PDGFC: variants seen among roughly 807,000 people sequenced by gnomAD.
PDGFC encodes the protein platelet-derived growth factor C.
In PDGFC, 12 loss-of-function variants were observed where a neutral mutation model predicts 35.5. That is an observed-to-expected ratio of 0.34 (90% CI 0.22 to 0.55). The LOEUF is 0.55. PDGFC is among the 20% of genes least tolerant of loss of function. The pLI, the probability that PDGFC is intolerant of heterozygous loss-of-function variation, is 0.91. For missense variants in PDGFC, 322 were observed against 412.4 expected (o/e 0.78, Z 1.90); for synonymous variants, 159 against 148.8 (o/e 1.07, Z -0.50).
chr4:156,957,703 C>T (rs778423508), intron 1 of PDGFC, among the ~76,000 whole-genome samples: 5 of 151,928 alleles, frequency 3.3e-5, no homozygotes, highest in Admixed American at 6.6e-5. Flanking sequence ...CTGGGATGGG[C>T]GGGTGGATAA....
intron 1 of PDGFC, among the ~76,000 whole-genome samples, chr4:156,899,293 TGTA>T (rs1375718296): frequency 2.0e-5 from 3 of 152,188 alleles, no homozygotes; most frequent in African/African-American, 7.2e-5. Flanking sequence ...GGATAATATG[TGTA>T]GGTTATATTA....
chr4:156,818,054 C>T (rs1473398547), intron 2 of PDGFC, among the ~76,000 whole-genome samples: 1 of 136,786 alleles, frequency 7.3e-6, no homozygotes, highest in African/African-American at 2.9e-5. Flanking sequence ...AGCAATACTC[C>T]GTCTTAAAAA....
chr4:156,867,314 C>A (rs1729868378), intron 1 of PDGFC, among the ~76,000 whole-genome samples: 2 of 152,190 alleles, frequency 1.3e-5, no homozygotes, highest in Non-Finnish European at 2.9e-5. Context: ...GAAGCCCCGG[C>A]CCTTTGCTCT....
intron 3 of PDGFC, among the ~76,000 whole-genome samples, chr4:156,792,417 A>G (rs1014656164): frequency 6.6e-6 from 1 of 152,166 alleles, no homozygotes; most frequent in African/African-American, 2.4e-5. Flanking sequence ...TTCCACAAAA[A>G]ATCACAGAGC....
rs540967563 is a variant in PDGFC, at chr4:156,822,399, CA to C, written c.315-11383del. 8.9e-5 allele frequency among the ~76,000 whole-genome samples: 13 copies of C among 146,152 alleles called. No homozygotes were observed. The South Asian group carries it at 2.9e-3, about 33-fold the overall frequency. On this transcript the variant is annotated intron_variant, in intron 2 of 5. Coordinates refer to ENST00000502773, the MANE Select transcript of PDGFC (RefSeq NM_016205.3). The stretch of plus-strand genomic sequence containing the variant: ...AAAAGTGCATAGTAATAAATTTAAC[CA>C]ATAAAGTGTGAATACTGTATGAGGA...
chr4:156,924,187 T>C (rs905229364), intron 1 of PDGFC, among the ~76,000 whole-genome samples: 2 of 152,144 alleles, frequency 1.3e-5, no homozygotes, highest in Non-Finnish European at 2.9e-5. Context: ...ATATAAAAGT[T>C]AAAATTTCAA....
intron 3 of PDGFC, among the ~76,000 whole-genome samples, chr4:156,780,194 T>C (rs991765033): frequency 1.3e-5 from 2 of 149,808 alleles, no homozygotes; most frequent in Non-Finnish European, 1.5e-5. Flanking sequence ...TAAAATAACG[T>C]CTATCAGTGG....
At chr4:156,782,682 G>A (rs1050863707) in intron 3 of PDGFC, among the ~76,000 whole-genome samples, 6 of 152,036 alleles carry the variant, frequency 3.9e-5, no homozygotes, top group South Asian at 2.1e-4. Flanking sequence ...TGTGTCTCAC[G>A]GTCAGAATTC....
chr4:156,855,739 A>C (rs1729560177), intron 1 of PDGFC, among the ~76,000 whole-genome samples: 1 of 152,050 alleles, frequency 6.6e-6, no homozygotes, highest in African/African-American at 2.4e-5. Context: ...CTACATCCTA[A>C]TGTTGCTAGT....
At chr4:156,885,152 TACATACACAC>T (rs1273305517) in intron 1 of PDGFC, among the ~76,000 whole-genome samples, 9 of 131,030 alleles carry the variant, frequency 6.9e-5, no homozygotes, top group South Asian at 2.7e-4. Flanking sequence ...TGTATGTGCA[TACATACACAC>T]ACACACACAC....
At chr4:156,790,002 A>C (rs1301337006) in intron 3 of PDGFC, among the ~76,000 whole-genome samples, 1 of 148,774 alleles carries the variant, frequency 6.7e-6, no homozygotes, top group African/African-American at 2.6e-5. Flanking sequence ...AAAAAAAGAA[A>C]GAATACTTTG....
chr4:156,816,120 T>A (rs181903098), intron 2 of PDGFC, among the ~76,000 whole-genome samples: 7 of 152,210 alleles, frequency 4.6e-5, no homozygotes, highest in African/African-American at 1.7e-4. Context: ...GACACTCAGC[T>A]TCTTTCAGCA....
chr4:156,935,803 C>G (rs1250014723), intron 1 of PDGFC, among the ~76,000 whole-genome samples: 1 of 151,968 alleles, frequency 6.6e-6, no homozygotes, highest in African/African-American at 2.4e-5. Context: ...GCTTTACAGA[C>G]CATCAATACC....
At chr4:156,779,119 G>C in intron 3 of PDGFC, 1 of 456,170 alleles carries the variant, frequency 2.2e-6, no homozygotes, top group Non-Finnish European at 4.4e-6. Flanking sequence ...GACAGGGCAT[G>C]CAGACACAAA....
intron 1 of PDGFC, among the ~76,000 whole-genome samples, chr4:156,865,656 T>C (rs1729823177): frequency 6.6e-6 from 1 of 152,052 alleles, no homozygotes; most frequent in African/African-American, 2.4e-5. Flanking sequence ...ATTAAGACAT[T>C]ATGAACAAAG....
intron 3 of PDGFC, among the ~76,000 whole-genome samples, chr4:156,774,009 C>T (rs1029071901): frequency 2.6e-5 from 4 of 152,170 alleles, no homozygotes; most frequent in Non-Finnish European, 5.9e-5. Context: ...ACCTTATCTC[C>T]TTACCTTTAA....
At chr4:156,892,800 T>A (rs1730544134) in intron 1 of PDGFC, among the ~76,000 whole-genome samples, 1 of 152,236 alleles carries the variant, frequency 6.6e-6, no homozygotes, top group African/African-American at 2.4e-5. Context: ...TATCATTTGC[T>A]GCAGTTGAAG....
chr4:156,968,420 T>C (rs1249360803), intron 1 of PDGFC, among the ~76,000 whole-genome samples: 1 of 152,058 alleles, frequency 6.6e-6, no homozygotes, highest in Non-Finnish European at 1.5e-5. Flanking sequence ...ACTGTCAAAA[T>C]TGAGACAGCA....
intron 1 of PDGFC, among the ~76,000 whole-genome samples, chr4:156,881,703 G>A (rs1730246863): frequency 6.6e-6 from 1 of 151,748 alleles, no homozygotes; most frequent in Non-Finnish European, 1.5e-5. Flanking sequence ...GCTGGCATGT[G>A]CCTGTAATCT....
Sources: gnomAD v4.1 joint callset for allele counts (sites outside exome capture counted in the v4.1 genomes callset) on GRCh38, gnomAD v4.1.1 for gene constraint, MANE v1.5 for transcripts, NCBI Gene and HGNC (gene_info 2026-07-23, HGNC 2026-07-21) for gene names.